The following HLTF variants were observed in gnomAD, a reference collection of about 807,000 sequenced individuals.
HLTF encodes helicase like transcription factor, also known as DNA-dependent ATPase/E3 ubiquitin-protein ligase HLTF.
Under a neutral mutation model 129.4 loss-of-function variants are expected in HLTF, and 127 were observed. The ratio of observed to expected loss-of-function variants is 0.98; its 90% CI spans 0.85 to 1.14. HLTF has a LOEUF of 1.14. Among genes scored for constraint, HLTF ranks in the 50% most tolerant of loss-of-function variants. The probability of loss-of-function intolerance (pLI) is 0.00; values close to 1 mark genes in which losing one functional copy is unlikely to be tolerated. For synonymous variants in HLTF, 332 were observed against 388.8 expected (o/e 0.85, Z 1.72); for missense variants, 1,139 against 1,187.1 (o/e 0.96, Z 0.60).
chr3:149,060,097 C>T (rs1400394352), intron 12 of HLTF, among the ~76,000 whole-genome samples: 3 of 151,996 alleles, frequency 2.0e-5, no homozygotes, highest in Non-Finnish European at 4.4e-5. Context: ...GAGAATTTTT[C>T]AAGGAAACAA....
intron 14 of HLTF, among the ~76,000 whole-genome samples, chr3:149,052,776 A>C (rs1187770542): frequency 1.3e-5 from 2 of 152,248 alleles, no homozygotes; most frequent in African/African-American, 4.8e-5. Context: ...AGCATGACAA[A>C]GAATCCAATA....
At chr3:149,034,667 G>T (rs996276617) in intron 24 of HLTF, among the ~76,000 whole-genome samples, 1 of 152,146 alleles carries the variant, frequency 6.6e-6, no homozygotes, top group African/African-American at 2.4e-5. Flanking sequence ...CAAATATGTT[G>T]TAGAATAAAG....
intron 8 of HLTF, among the ~76,000 whole-genome samples, chr3:149,066,906 A>T (rs955086243): frequency 6.6e-6 from 1 of 152,168 alleles, no homozygotes; most frequent in Non-Finnish European, 1.5e-5. Flanking sequence ...CTAAGTGCAG[A>T]CATTAATAAA....
intron 2 of HLTF, among the ~76,000 whole-genome samples, 172 bp downstream of exon 2, chr3:149,084,510 G>A (rs1720168197): frequency 6.6e-6 from 1 of 152,114 alleles, no homozygotes; most frequent in African/African-American, 2.4e-5. Context: ...CAACACTCTG[G>A]GAGGCTGAGG....
chr3:149,034,714 G>A (rs1294891447), intron 24 of HLTF, among the ~76,000 whole-genome samples: 1 of 152,066 alleles, frequency 6.6e-6, no homozygotes, highest in Non-Finnish European at 1.5e-5. Flanking sequence ...TGTTTTTAAG[G>A]AGATGTACAC....
At chr3:149,077,063 A>G (rs905086321) in intron 2 of HLTF, among the ~76,000 whole-genome samples, 1 of 152,010 alleles carries the variant, frequency 6.6e-6, no homozygotes, top group African/African-American at 2.4e-5. Flanking sequence ...CCTAGCCAAC[A>G]TGGTGAGACC....
At chr3:149,060,735 T>G in intron 11 of HLTF, 44 bp downstream of exon 11, 1 of 1,604,032 alleles carries the variant, frequency 6.2e-7, no homozygotes. Context: ...AACAGGACAT[T>G]AGAATATAGG....
chr3:149,033,254 A>G (rs1239162559), intron 24 of HLTF, among the ~76,000 whole-genome samples: 1 of 152,072 alleles, frequency 6.6e-6, no homozygotes, highest in African/African-American at 2.4e-5. Flanking sequence ...ATATAATAAA[A>G]TTTTACTGAA....
intron 2 of HLTF, among the ~76,000 whole-genome samples, chr3:149,078,784 G>A (rs1719617659): frequency 1.3e-5 from 2 of 151,730 alleles, no homozygotes; most frequent in South Asian, 2.1e-4. Context: ...GTGAACCTGG[G>A]AGGCAGAGCT....
intron 14 of HLTF, 63 bp downstream of exon 14, chr3:149,055,240 T>C (rs1717319930): frequency 8.5e-6 from 10 of 1,176,210 alleles, no homozygotes; most frequent in East Asian, 4.9e-5. Context: ...TTTAACAGAA[T>C]ACTTTCTACC....
rs753530650 is a variant in HLTF at position 149,075,910 on chromosome 3, G to A, written c.366C>T (p.Ile122=). The change falls in exon 3 of 25, where the codon ATC becomes ATT. Residue 122 remains isoleucine, a synonymous_variant. Transcript: ENST00000310053. ...KKELAGALAY[I]MDNKLAQIEG... is the part of the protein sequence containing the mutation. ...CAATTTGTGCCAATTTGTTGTCCAT[G>A]ATATAGGCCAAAGCACCTGCAAGCT... 2 of 1,604,456 alleles carry A rather than the reference G, an allele frequency of 1.2e-6. No individual in the cohort carries two copies. The highest frequency in any genetic ancestry group is 1.7e-5 in the Admixed American group (1 of 58,400).
chr3:149,083,326 G>GA (rs1720048911), intron 2 of HLTF, among the ~76,000 whole-genome samples: 1 of 151,774 alleles, frequency 6.6e-6, no homozygotes, highest in Non-Finnish European at 1.5e-5. Flanking sequence ...AGTGTTCCTG[G>GA]AAAAAAATAA....
intron 22 of HLTF, 126 bp downstream of exon 22, chr3:149,039,455 T>A: frequency 1.6e-6 from 1 of 613,456 alleles, no homozygotes; most frequent in Non-Finnish European, 2.7e-6. Flanking sequence ...CTATTGTGAC[T>A]CTGAATATCT....
At chr3:149,054,989 C>A (rs1048723565) in intron 14 of HLTF, among the ~76,000 whole-genome samples, 7 of 152,220 alleles carry the variant, frequency 4.6e-5, no homozygotes, top group Admixed American at 2.6e-4. Flanking sequence ...AACAGTCAAT[C>A]TGTAAATGTA....
chr3:149,058,845 A>G (rs941884035), intron 13 of HLTF, among the ~76,000 whole-genome samples: 1 of 152,222 alleles, frequency 6.6e-6, no homozygotes, highest in African/African-American at 2.4e-5. Flanking sequence ...TATCACAGCT[A>G]TGCATCTGCA....
chr3:149,077,921 AC>A (rs1020797216), intron 2 of HLTF, among the ~76,000 whole-genome samples: 3 of 152,150 alleles, frequency 2.0e-5, no homozygotes, highest in African/African-American at 7.2e-5. Flanking sequence ...GACTTCAGTG[AC>A]CACACACGAT....
At chr3:149,036,500 G>A (rs988758230) in intron 23 of HLTF, among the ~76,000 whole-genome samples, 4 of 152,140 alleles carry the variant, frequency 2.6e-5, no homozygotes, top group African/African-American at 9.6e-5. Flanking sequence ...TGTTGGCCAA[G>A]ATGGTCTCAA....
chr3:149,069,123 T>C (rs1718638400), intron 7 of HLTF, among the ~76,000 whole-genome samples: 1 of 152,062 alleles, frequency 6.6e-6, no homozygotes, highest in Non-Finnish European at 1.5e-5. Context: ...GGTATATTAG[T>C]ACTAGTCATC....
intron 24 of HLTF, among the ~76,000 whole-genome samples, chr3:149,032,729 G>A (rs775738082): frequency 1.3e-5 from 2 of 152,118 alleles, no homozygotes; most frequent in African/African-American, 2.4e-5. Flanking sequence ...TTGGGAGGCC[G>A]AGGCGGGCAG....
Sources: gnomAD v4.1 joint callset for allele counts (sites outside exome capture counted in the v4.1 genomes callset) on GRCh38, gnomAD v4.1.1 for gene constraint, MANE v1.5 for transcripts, NCBI Gene and HGNC (gene_info 2026-07-23, HGNC 2026-07-21) for gene names.